The following CEP97 variants were observed in gnomAD, a reference collection of about 807,000 sequenced individuals.
The protein encoded by CEP97 is centrosomal protein of 97 kDa.
CEP97 carries 43 observed loss-of-function variants against 73.1 expected under a neutral mutation model. The ratio of observed to expected loss-of-function variants is 0.59; its 90% CI spans 0.46 to 0.76. CEP97 has a LOEUF of 0.76. Ranked by LOEUF, CEP97 falls within the 30% of genes least tolerant of loss-of-function variation. The pLI, the probability that CEP97 is intolerant of heterozygous loss-of-function variation, is 0.00. For synonymous variants in CEP97, 337 were observed against 370.0 expected, an observed-to-expected ratio of 0.91 and a Z score of 1.02; for missense variants, 939 against 1,014.0, an observed-to-expected ratio of 0.93 and a Z score of 1.00.
rs1427111168 is a variant in CEP97 at position 101,724,738 on chromosome 3, C to T, written c.43+19C>T. 6.2e-6 allele frequency: 10 copies of T among 1,613,418 alleles called. No homozygotes were observed. The highest frequency in any genetic ancestry group is 5.3e-5 in the African/African-American group (4 of 74,938). On this transcript the variant is annotated intron_variant, in intron 1 of 10. Transcript: ENST00000341893. Reference sequence around the variant, plus strand: ...GGAGAAGGTAAGGCGATCCCTACCCCGAGTCCTAAGGTTTACTTCACGGAG... The same window carrying T: ...GGAGAAGGTAAGGCGATCCCTACCCTGAGTCCTAAGGTTTACTTCACGGAG...
intron 6 of CEP97, among the ~76,000 whole-genome samples, chr3:101,734,145 C>T (rs2107139351): frequency 6.6e-6 from 1 of 152,222 alleles, no homozygotes; most frequent in Non-Finnish European, 1.5e-5. Flanking sequence ...CCTTCTTATA[C>T]CTGTGAAGCA....
rs1468156529 is a variant in CEP97, at chr3:101,769,349, T to TA, written c.*3799dup. On this transcript the variant is annotated 3_prime_UTR_variant, in exon 11 of 11. Transcript: ENST00000341893. ...TGTGTTTTTTTTTTTTTTTTCGAGA[T>TA]AGAGTTTCACTGTTGTCACCCAGGC... 6.7e-6 allele frequency: 1 copy of TA among 149,892 alleles called. No homozygotes were observed. Among genetic ancestry groups the TA allele is most frequent in the African/African-American group, 2.5e-5 (1 of 40,540 alleles). The allele number at this position is 149,892 out of a possible 1,614,324, so 9.3% of individuals were successfully genotyped here. A position where few individuals can be genotyped will look rare whatever the true frequency, so the allele number is the denominator to read the frequency against.
At position 101,758,215 on chromosome 3, in the gene CEP97, C is replaced by T; in HGVS notation, c.1609C>T (p.Leu537Phe). 9 of 1,614,184 alleles carry T rather than the reference C, an allele frequency of 5.6e-6. No homozygotes were observed. The highest frequency in any genetic ancestry group is 7.6e-6 in the Non-Finnish European group (9 of 1,180,044). The change falls in exon 9 of 11, where the codon CTT becomes TTT. Residue 537 changes from leucine (L) to phenylalanine (F), a missense_variant. Coordinates refer to ENST00000341893, the MANE Select transcript of CEP97 (RefSeq NM_024548.4). Reference sequence around the variant, plus strand: ...CATATCTCAAGCAACTTCAGAGAAACTTCCCATGATTTTAACCCAGAGATC... The same window carrying T: ...CATATCTCAAGCAACTTCAGAGAAATTTCCCATGATTTTAACCCAGAGATC... ...ETISQATSEK[L>F]PMILTQRSVA...
In CEP97 at chr3:101,765,169, C is replaced by T. The variant is rs543071884; in HGVS notation, c.2216C>T (p.Thr739Ile). The change falls in exon 11 of 11, where the codon ACA becomes ATA. Residue 739 changes from threonine (T) to isoleucine (I), a missense_variant. Thr to Ile is a moderately conservative substitution (Grantham distance 89, BLOSUM62 -1). Transcript: ENST00000341893. ...TCCATAATGGGGAATTCCATTGACA[C>T]AGTCAGATATGGCAAAGAATCAGAT... ...ESSIMGNSID[T>I]VRYGKESDLG... The T allele has an allele frequency of 6.2e-7, 1 of 1,614,188 alleles. No homozygotes were observed.
Position 101,749,082 on chromosome 3 carries a change from G to A in CEP97, c.729-6348G>A, listed in dbSNP as rs559461541. 2.8e-3 allele frequency among the ~76,000 whole-genome samples: 425 copies of A among 151,970 alleles called. 5 individuals carry two copies. Among genetic ancestry groups the A allele is most frequent in the African/African-American group, 9.6e-3 (399 of 41,458 alleles). ...ATATGTATACGTGTGCCATGCTGGTGTGCGGCACCCATTAACTCGTCATTT... is the reference window on the plus strand; with the variant it reads ...ATATGTATACGTGTGCCATGCTGGTATGCGGCACCCATTAACTCGTCATTT... On this transcript the variant is annotated intron_variant, in intron 6 of 10. Coordinates refer to ENST00000341893, the MANE Select transcript of CEP97 (RefSeq NM_024548.4).
rs376067266 is a variant in CEP97 at position 101,743,288 on chromosome 3, G to A, written c.728+10634G>A. Among the ~76,000 whole-genome samples, 25 of 151,450 alleles carry A rather than the reference G, an allele frequency of 1.7e-4. No homozygotes were observed. In the East Asian group the frequency reaches 4.3e-3, roughly 26 times the overall value. ...AGATCCCCTTTGTTTCCCTCTGGTC[G>A]TAACTCCCCTCCTCACTAGAAGTAA... On this transcript the variant is annotated intron_variant, in intron 6 of 10. Coordinates refer to ENST00000341893, the MANE Select transcript of CEP97 (RefSeq NM_024548.4).
intron 1 of CEP97, among the ~76,000 whole-genome samples, chr3:101,725,494 G>A (rs1937850757): frequency 1.3e-5 from 2 of 152,142 alleles, no homozygotes; most frequent in South Asian, 4.1e-4. Flanking sequence ...ATTCTTGGGG[G>A]AAGAGTTGGT....
chr3:101,737,717 T>C (rs1938322314), intron 6 of CEP97, among the ~76,000 whole-genome samples: 1 of 152,208 alleles, frequency 6.6e-6, no homozygotes, highest in African/African-American at 2.4e-5. Context: ...GAAAAACCAG[T>C]ACTAGCCACT....
intron 1 of CEP97, among the ~76,000 whole-genome samples, chr3:101,725,767 C>T (rs1937860733): frequency 1.3e-5 from 2 of 152,102 alleles, no homozygotes; most frequent in South Asian, 4.1e-4. Flanking sequence ...ATCGGCTTTT[C>T]TTAAACCACA....
Position 101,758,339 on chromosome 3 carries a change from A to T in CEP97, c.1733A>T (p.Asn578Ile). 6.2e-7 allele frequency: 1 copy of T among 1,614,150 alleles called. No individual in the cohort carries two copies. Among genetic ancestry groups the T allele is most frequent in the Non-Finnish European group, 8.5e-7 (1 of 1,180,030 alleles). Residue 578 changes from asparagine to isoleucine, a missense_variant, in exon 9 of 11, where the codon AAC (asparagine) becomes ATC (isoleucine). Transcript: ENST00000341893. The part of the protein sequence containing the change: ...CWRGFYARNY[N>I]PQAKDVRYEI... ...CGGGGATTTTATGCCAGGAACTACA[A>T]CCCTCAAGCCAAAGATGTGCGTTAC...
In CEP97 at chr3:101,730,955, AT is replaced by A. The variant is rs531615738; in HGVS notation, c.448-868del. Among the ~76,000 whole-genome samples the A allele has an allele frequency of 4.7e-3, 660 of 139,332 alleles. 2 individuals carry two copies. The highest frequency in any genetic ancestry group is 7.3e-3 in the Middle Eastern group (2 of 274). The allele number at this position is 139,332 out of a possible 152,430, so 91.4% of individuals were successfully genotyped here. A position where few individuals can be genotyped will look rare whatever the true frequency, so the allele number is the denominator to read the frequency against. The stretch of plus-strand genomic sequence containing the variant: ...ATTCAAATGAACCAAAGATGATTGA[AT>A]TTTTTTTTTTTTTTTTGCTGGAATA... On this transcript the variant is annotated intron_variant, in intron 4 of 10. Coordinates refer to ENST00000341893, the MANE Select transcript of CEP97 (RefSeq NM_024548.4).
chr3:101,749,749 T>C (rs76520198), intron 6 of CEP97, among the ~76,000 whole-genome samples: 30,120 of 145,522 alleles, frequency 0.21, 3,310 homozygotes, highest in East Asian at 0.47. Flanking sequence ...TGGCCAGTGA[T>C]GGTGAGCATT....
chr3:101,741,384 A>G (rs1447341616), intron 6 of CEP97, among the ~76,000 whole-genome samples: 1 of 152,240 alleles, frequency 6.6e-6, no homozygotes, highest in Non-Finnish European at 1.5e-5. Flanking sequence ...AAAACATCAA[A>G]AGCAATGGCA....
Position 101,762,525 on chromosome 3 carries a change from G to A in CEP97, c.1858G>A (p.Val620Ile). The A allele has an allele frequency of 6.2e-7, 1 of 1,611,206 alleles. No individual in the cohort carries two copies. Among genetic ancestry groups the A allele is most frequent in the Non-Finnish European group, 8.5e-7 (1 of 1,178,604 alleles). Residue 620 changes from valine (V) to isoleucine (I), a missense_variant, in exon 10 of 11, where the codon GTA becomes ATA. Coordinates refer to ENST00000341893, the MANE Select transcript of CEP97 (RefSeq NM_024548.4). ...ERDEERIKKFVQEEAFRFLWN... is the reference protein window; with the variant it reads ...ERDEERIKKFIQEEAFRFLWN... ...AGATGAAGAACGTATTAAAAAATTT[G>A]TACAAGAAGAAGCTTTCAGATTCCT...
intron 6 of CEP97, among the ~76,000 whole-genome samples, chr3:101,739,993 T>C (rs1307349337): frequency 6.6e-6 from 1 of 152,064 alleles, no homozygotes; most frequent in South Asian, 2.1e-4. Flanking sequence ...TAAGAGCTAT[T>C]TATGACAAAC....
chr3:101,749,420 G>A (rs1938731661), intron 6 of CEP97, among the ~76,000 whole-genome samples: 1 of 133,816 alleles, frequency 7.5e-6, no homozygotes, highest in Non-Finnish European at 1.6e-5. Context: ...TTGGTTCCAA[G>A]TCTTTGCTAT....
At chr3:101,728,613 C>T (rs1284363345) in intron 3 of CEP97, among the ~76,000 whole-genome samples, 1 of 151,782 alleles carries the variant, frequency 6.6e-6, no homozygotes, top group Non-Finnish European at 1.5e-5. Flanking sequence ...GTATGAACTA[C>T]TTGGTAGCCC....
At position 101,728,185 on chromosome 3, in the gene CEP97, C is replaced by T. The variant is rs115173940; in HGVS notation, c.345+644C>T. 6.1e-3 allele frequency among the ~76,000 whole-genome samples: 931 copies of T among 152,046 alleles called. 11 individuals are homozygous for T. Among genetic ancestry groups the T allele is most frequent in the African/African-American group, 0.022 (895 of 41,464 alleles). On this transcript the variant is annotated intron_variant, in intron 3 of 10. Transcript: ENST00000341893. ...TGCAGGGCCAGAATGTAAATCCAGG[C>T]TGTTTGGTTTTAATCTAAACTTGTA...
chr3:101,731,279 T>C, intron 4 of CEP97, among the ~76,000 whole-genome samples: 1 of 150,168 alleles, frequency 6.7e-6, no homozygotes, highest in South Asian at 2.1e-4. Context: ...TGGCTTACTA[T>C]AGCCTCGACC....
Sources: allele counts gnomAD v4.1 joint callset (sites outside exome capture counted in the v4.1 genomes callset), GRCh38; gene constraint gnomAD v4.1.1; transcripts MANE v1.5; gene names NCBI Gene and HGNC (gene_info 2026-07-23, HGNC 2026-07-21).